ADD3: variants seen among roughly 807,000 people sequenced by gnomAD.
ADD3 encodes the protein adducin 3.
In ADD3, 25 loss-of-function variants were observed where a neutral mutation model predicts 80.2. That is an observed-to-expected ratio of 0.31 (90% CI 0.23 to 0.44). The LOEUF is 0.44. ADD3 is among the 20% of genes least tolerant of loss of function. The pLI is 1.00. For synonymous variants in ADD3, 284 were observed against 289.6 expected (o/e 0.98, Z 0.20); for missense variants, 829 against 847.5 (o/e 0.98, Z 0.27).
upstream of ADD3, among the ~76,000 whole-genome samples, chr10:110,005,018 A>C (rs1851573112): frequency 6.6e-6 from 1 of 152,142 alleles, no homozygotes; most frequent in Non-Finnish European, 1.5e-5. Context: ...TTATCCAAAA[A>C]TTATTTTAGA....
At chr10:110,022,325 C>T (rs1025098011) in intron 1 of ADD3, among the ~76,000 whole-genome samples, 2 of 151,856 alleles carry the variant, frequency 1.3e-5, no homozygotes, top group East Asian at 1.9e-4. Flanking sequence ...ATAACCAATT[C>T]CCAATAATTT....
At chr10:110,131,976 T>A (rs1853074117) in intron 13 of ADD3, among the ~76,000 whole-genome samples, 1 of 152,232 alleles carries the variant, frequency 6.6e-6, no homozygotes, top group African/African-American at 2.4e-5. Context: ...GCTTTATAAT[T>A]TTTTTCATCT....
At chr10:110,096,456 G>A (rs1340606584) in intron 1 of ADD3, among the ~76,000 whole-genome samples, 4 of 152,164 alleles carry the variant, frequency 2.6e-5, no homozygotes, top group Non-Finnish European at 5.9e-5. Context: ...ATCTGTTGCT[G>A]TGTGAAAAAC....
In ADD3 at chr10:110,124,278, T is replaced by C. The variant is rs1851867504; in HGVS notation, c.1401+4T>C. The C allele has an allele frequency of 1.9e-6, 3 of 1,612,914 alleles. No homozygotes were observed. In the South Asian group the frequency reaches 3.3e-5, roughly 18 times the overall value. ...CAGTCCCCGAACCAAAATCACGGTA[T>C]GCCAGTATTTTATGTAGTTTGCCTT... On this transcript the variant is annotated splice_donor_region_variant and intron_variant, in intron 10 of 14. Coordinates refer to ENST00000356080, the MANE Select transcript of ADD3 (RefSeq NM_016824.5).
At chr10:110,106,527 C>G (rs1849411869) in intron 2 of ADD3, among the ~76,000 whole-genome samples, 1 of 152,022 alleles carries the variant, frequency 6.6e-6, no homozygotes, top group African/African-American at 2.4e-5. Context: ...TATTCTTAGC[C>G]TACATGAATC....
intron 1 of ADD3, among the ~76,000 whole-genome samples, chr10:110,085,588 CT>C (rs1341042686): frequency 6.6e-6 from 1 of 152,154 alleles, no homozygotes; most frequent in East Asian, 1.9e-4. Context: ...CCAGGGAGAT[CT>C]GCATGGCATC....
intron 1 of ADD3, among the ~76,000 whole-genome samples, chr10:110,040,912 C>T (rs999351965): frequency 1.3e-5 from 2 of 150,448 alleles, no homozygotes; most frequent in African/African-American, 2.4e-5. Context: ...CTTGCACGCA[C>T]GCGCTCTCTC....
rs1851072867 is a variant in ADD3 at position 110,118,570 on chromosome 10, C to T, written c.568-17C>T. The T allele has an allele frequency of 1.9e-6, 3 of 1,610,858 alleles. No individual in the cohort carries two copies. The highest frequency in any genetic ancestry group is 2.5e-6 in the Non-Finnish European group (3 of 1,177,298). On this transcript the variant is annotated splice_polypyrimidine_tract_variant and intron_variant, in intron 5 of 14. Transcript: ENST00000356080. Reference sequence around the variant, plus strand: ...TACGTATATACCAGTTAAATATGTCCTTCTGATTTTTTCCAGGTGAAAGTC... The same window carrying T: ...TACGTATATACCAGTTAAATATGTCTTTCTGATTTTTTCCAGGTGAAAGTC...
intron 1 of ADD3, among the ~76,000 whole-genome samples, chr10:110,040,928 C>T (rs1334444175): frequency 3.0e-5 from 4 of 133,736 alleles, no homozygotes; most frequent in Non-Finnish European, 4.8e-5. Flanking sequence ...CTCTCTCTCT[C>T]GCTCTCTCTC....
intron 1 of ADD3, among the ~76,000 whole-genome samples, chr10:110,045,765 TTGAGAGA>T (rs556254723): frequency 1.9e-4 from 29 of 152,324 alleles, no homozygotes; most frequent in African/African-American, 5.5e-4. Flanking sequence ...ACTGTCACAG[TTGAGAGA>T]AATGTAAATA....
intron 1 of ADD3, among the ~76,000 whole-genome samples, chr10:110,058,552 C>G (rs1020442184): frequency 1.3e-5 from 2 of 152,146 alleles, no homozygotes; most frequent in East Asian, 3.8e-4. Context: ...TTTGTGAGGA[C>G]TGTGGCAACA....
chr10:110,031,704 A>G (rs935152295), intron 1 of ADD3, among the ~76,000 whole-genome samples: 2 of 150,726 alleles, frequency 1.3e-5, no homozygotes, highest in African/African-American at 4.9e-5. Context: ...CCTATCTGGT[A>G]CCTAGTGAGT....
chr10:110,132,277 G>T, intron 13 of ADD3, 28 bp from the exon 14 acceptor site: 1 of 1,534,586 alleles, frequency 6.5e-7, no homozygotes, highest in Non-Finnish European at 9.0e-7. Context: ...TGTTTTGCAT[G>T]GCTTTTAACT....
At chr10:110,060,647 A>G (rs1190639209) in intron 1 of ADD3, among the ~76,000 whole-genome samples, 1 of 152,224 alleles carries the variant, frequency 6.6e-6, no homozygotes, top group Non-Finnish European at 1.5e-5. Context: ...GAACAATATT[A>G]AACTACTTCC....
At chr10:110,081,158 A>C (rs1440263899) in intron 1 of ADD3, among the ~76,000 whole-genome samples, 1 of 152,228 alleles carries the variant, frequency 6.6e-6, no homozygotes, top group East Asian at 1.9e-4. Flanking sequence ...AGAAGGCTTA[A>C]TATACCTTGA....
chr10:110,134,242 C>T lies in ADD3; in HGVS notation c.*624C>T, dbSNP rs1311226625. 4 of 151,662 alleles carry T rather than the reference C, an allele frequency of 2.6e-5. No homozygotes were observed. The highest frequency in any genetic ancestry group is 4.4e-5 in the Non-Finnish European group (3 of 67,884). 9.4% of individuals were successfully genotyped at this position (151,662 alleles called of 1,614,324 possible). On this transcript the variant is annotated 3_prime_UTR_variant, in exon 15 of 15. Coordinates refer to ENST00000356080, the MANE Select transcript of ADD3 (RefSeq NM_016824.5). ...TTTAATAAACTATAATTTTTGAAAA[C>T]TTCCTTTTTTATTAGTTTAGAAAGC...
At chr10:110,089,108 G>A (rs1295302295) in intron 1 of ADD3, among the ~76,000 whole-genome samples, 1 of 152,102 alleles carries the variant, frequency 6.6e-6, no homozygotes, top group East Asian at 1.9e-4. Context: ...GGTCCACTGA[G>A]ATTTGTAGAG....
chr10:110,039,225 C>CCTCCCATCCTTTA (rs1856007769), intron 1 of ADD3, among the ~76,000 whole-genome samples: 1 of 147,438 alleles, frequency 6.8e-6, no homozygotes, highest in East Asian at 1.9e-4. Context: ...TTGCCCCACT[C>CCTCCCATCCTTTA]AGTCAGTCCG....
At chr10:110,067,281 C>T (rs986074886) in intron 1 of ADD3, among the ~76,000 whole-genome samples, 1 of 152,082 alleles carries the variant, frequency 6.6e-6, no homozygotes, top group Non-Finnish European at 1.5e-5. Flanking sequence ...GGAAGAAAGC[C>T]TTTCTAAAAT....
Sources: gnomAD v4.1 joint callset for allele counts (sites outside exome capture counted in the v4.1 genomes callset) on GRCh38, gnomAD v4.1.1 for gene constraint, MANE v1.5 for transcripts, NCBI Gene and HGNC (gene_info 2026-07-23, HGNC 2026-07-21) for gene names.